The following RANBP2 variants were observed in gnomAD, a reference collection of about 807,000 sequenced individuals.
RANBP2 encodes the protein E3 SUMO-protein ligase RanBP2.
A neutral mutation model predicts 303.6 loss-of-function variants in RANBP2; 57 were observed. That is an observed-to-expected ratio of 0.19 (90% CI 0.15 to 0.23). The LOEUF is 0.23. RANBP2 is among the 10% of genes least tolerant of loss of function. RANBP2 has a pLI of 1.00. For missense variants in RANBP2, 3,138 were observed against 3,780.8 expected, an observed-to-expected ratio of 0.83 and a Z score of 4.46; for synonymous variants, 1,167 against 1,301.5, an observed-to-expected ratio of 0.90 and a Z score of 2.23.
chr2:109,414,379 T>G, the RANBP2 span, among the ~76,000 whole-genome samples: 1 of 152,322 alleles, frequency 6.6e-6, no homozygotes, highest in African/African-American at 2.4e-5. Flanking sequence ...GCTTGATTTC[T>G]ATAGTCTTGG....
chr2:109,112,241 T>A, the RANBP2 span, among the ~76,000 whole-genome samples: 1 of 152,150 alleles, frequency 6.6e-6, no homozygotes, highest in African/African-American at 2.4e-5. Flanking sequence ...TAGTTGACAG[T>A]CCCACCCACA....
chr2:109,046,049 A>C, the RANBP2 span, among the ~76,000 whole-genome samples: 1 of 152,148 alleles, frequency 6.6e-6, no homozygotes, highest in Non-Finnish European at 1.5e-5. Flanking sequence ...TCACACCTGT[A>C]ATCCCAGCAC....
chr2:108,740,701 G>C lies in RANBP2; in HGVS notation c.975+20G>C, dbSNP rs1433825496. Reference sequence around the variant, plus strand: ...TTTCAGGTAAGTCTTCCACTTGTAGGAGCAATTGACATTTCACTGAGTCTT... The same window carrying C: ...TTTCAGGTAAGTCTTCCACTTGTAGCAGCAATTGACATTTCACTGAGTCTT... On this transcript the variant is annotated intron_variant, in intron 7 of 28. Transcript: ENST00000283195. The C allele has an allele frequency of 1.3e-6, 2 of 1,597,426 alleles. No individual in the cohort carries two copies.
chr2:109,214,934 C>T, the RANBP2 span, among the ~76,000 whole-genome samples: 5 of 152,180 alleles, frequency 3.3e-5, no homozygotes, highest in African/African-American at 1.2e-4. Flanking sequence ...AGCTCTGCAC[C>T]AGCTGTAGTG....
the RANBP2 span, among the ~76,000 whole-genome samples, chr2:108,971,368 A>G: frequency 6.6e-6 from 1 of 152,130 alleles, no homozygotes. Context: ...CGAGACCTCC[A>G]GTATCAAAAT....
At chr2:108,847,540 T>C in the RANBP2 span, among the ~76,000 whole-genome samples, 1 of 152,190 alleles carries the variant, frequency 6.6e-6, no homozygotes, top group Admixed American at 6.5e-5. Context: ...TAATAGTGAA[T>C]AAGGAAATGG....
the RANBP2 span, among the ~76,000 whole-genome samples, chr2:109,720,509 C>T: frequency 5.9e-5 from 9 of 152,040 alleles, no homozygotes; most frequent in Non-Finnish European, 2.9e-5. Flanking sequence ...TTTTAAAAGC[C>T]CTAGAGGTGA....
At chr2:109,614,728 A>T in the RANBP2 span, 1 of 1,490,066 alleles carries the variant, frequency 6.7e-7, no homozygotes. Context: ...GTGCACCTCA[A>T]GAAGAGGTTC....
At chr2:108,842,729 A>T in the RANBP2 span, among the ~76,000 whole-genome samples, 3 of 152,160 alleles carry the variant, frequency 2.0e-5, no homozygotes, top group Non-Finnish European at 4.4e-5. Flanking sequence ...GGGGATGGGG[A>T]TTTAAAACTG....
chr2:109,478,016 C>T, the RANBP2 span, among the ~76,000 whole-genome samples: 1 of 152,216 alleles, frequency 6.6e-6, no homozygotes, highest in Non-Finnish European at 1.5e-5. Flanking sequence ...TGAAATATTA[C>T]TGGAATGATT....
the RANBP2 span, among the ~76,000 whole-genome samples, chr2:109,394,724 C>T: frequency 6.6e-6 from 1 of 152,212 alleles, no homozygotes; most frequent in Admixed American, 6.5e-5. Context: ...GCAGATAGAG[C>T]CACTGGAGTC....
At chr2:109,619,984 C>T in the RANBP2 span, among the ~76,000 whole-genome samples, 1 of 152,132 alleles carries the variant, frequency 6.6e-6, no homozygotes, top group Non-Finnish European at 1.5e-5. Context: ...CCTGCTTTTT[C>T]CATGAAGAAC....
At chr2:109,055,759 A>ATTT in the RANBP2 span, among the ~76,000 whole-genome samples, 3 of 105,222 alleles carry the variant, frequency 2.9e-5, no homozygotes, top group Non-Finnish European at 3.9e-5. Context: ...CAGCTCTAAC[A>ATTT]TTTTTTTTTT....
the RANBP2 span, among the ~76,000 whole-genome samples, chr2:109,016,230 G>C: frequency 6.6e-6 from 1 of 151,780 alleles, no homozygotes; most frequent in Non-Finnish European, 1.5e-5. Context: ...TACAGGCGCC[G>C]GCCACCACGC....
At chr2:109,603,846 C>T in the RANBP2 span, among the ~76,000 whole-genome samples, 1 of 151,854 alleles carries the variant, frequency 6.6e-6, no homozygotes, top group African/African-American at 2.4e-5. Context: ...CCAGCCTGGC[C>T]AATATGGTGA....
chr2:109,391,456 A>G, the RANBP2 span, among the ~76,000 whole-genome samples: 1 of 152,220 alleles, frequency 6.6e-6, no homozygotes, highest in Non-Finnish European at 1.5e-5. Flanking sequence ...TCACTCTGGC[A>G]GGGCCGGCGG....
At chr2:109,324,225 G>A in the RANBP2 span, among the ~76,000 whole-genome samples, 4 of 152,162 alleles carry the variant, frequency 2.6e-5, no homozygotes, top group Non-Finnish European at 5.9e-5. Flanking sequence ...TGGACATCTG[G>A]GATGTTCTCA....
chr2:109,419,032 T>G, the RANBP2 span, among the ~76,000 whole-genome samples: 1 of 152,064 alleles, frequency 6.6e-6, no homozygotes, highest in African/African-American at 2.4e-5. Context: ...TTGGAGCACT[T>G]TGGGGTCTTG....
chr2:108,952,993 C>T, the RANBP2 span, among the ~76,000 whole-genome samples: 1,296 of 152,220 alleles, frequency 8.5e-3, 9 homozygotes, highest in South Asian at 0.029. Flanking sequence ...TTTTAAAAAA[C>T]GTTTAATTTT....
Sources: gnomAD v4.1 joint callset for allele counts (sites outside exome capture counted in the v4.1 genomes callset) on GRCh38, gnomAD v4.1.1 for gene constraint, MANE v1.5 for transcripts, NCBI Gene and HGNC (gene_info 2026-07-23, HGNC 2026-07-21) for gene names.